ADARB1: variants seen among roughly 807,000 people sequenced by gnomAD.
The protein encoded by ADARB1 is double-stranded RNA-specific editase 1.
ADARB1 carries 10 observed loss-of-function variants against 52.4 expected under a neutral mutation model. That is an observed-to-expected ratio of 0.19 (90% CI 0.12 to 0.32). The LOEUF (loss-of-function observed/expected upper bound fraction) is 0.32, where lower values mean the gene tolerates loss of function less well. Ranked by LOEUF, ADARB1 falls within the 10% of genes least tolerant of loss-of-function variation. The pLI is 1.00. For missense variants in ADARB1, 643 were observed against 922.3 expected (o/e 0.70, Z 3.92); for synonymous variants, 349 against 371.1 (o/e 0.94, Z 0.68).
intron 1 of ADARB1, among the ~76,000 whole-genome samples, chr21:45,110,557 C>A (rs1449814067): frequency 6.6e-6 from 1 of 152,054 alleles, no homozygotes; most frequent in Non-Finnish European, 1.5e-5. Context: ...ATTTTAATTC[C>A]TAGGAGGTTA....
intron 1 of ADARB1, among the ~76,000 whole-genome samples, chr21:45,077,436 C>T (rs1008347280): frequency 7.9e-5 from 12 of 152,032 alleles, no homozygotes; most frequent in African/African-American, 2.2e-4. Flanking sequence ...GAGGCCGAGG[C>T]GGGTAGATCA....
chr21:45,086,084 T>C (rs1220799389), intron 1 of ADARB1, among the ~76,000 whole-genome samples: 1 of 152,220 alleles, frequency 6.6e-6, no homozygotes, highest in African/African-American at 2.4e-5. Flanking sequence ...CAGGCTTTGA[T>C]TTGCCAGACA....
intron 1 of ADARB1, among the ~76,000 whole-genome samples, chr21:45,119,141 G>A (rs2088001946): frequency 6.6e-6 from 1 of 152,198 alleles, no homozygotes; most frequent in Non-Finnish European, 1.5e-5. Flanking sequence ...CCAGGGTGAA[G>A]TGCAGTAGTG....
rs2092619992 is a variant in ADARB1 at position 45,204,164 on chromosome 21, T to A, written c.1566-391T>A. Among the ~76,000 whole-genome samples the A allele has an allele frequency of 6.6e-6, 1 of 152,218 alleles. No individual in the cohort carries two copies. The highest frequency in any genetic ancestry group is 2.1e-4 in the South Asian group (1 of 4,830). On this transcript the variant is annotated intron_variant, in intron 8 of 10. Transcript: ENST00000348831. This position sits in a 1 kb window ranked among gnomAD's most constrained non-coding sequence, Gnocchi z 4.4. ...TCTGGAAGTGTTTATTTCTGGAATTTTTCATTTAATATCTTCAGATCACGG... is the reference window on the plus strand; with the variant it reads ...TCTGGAAGTGTTTATTTCTGGAATTATTCATTTAATATCTTCAGATCACGG...
At chr21:45,132,947 C>T (rs1424658340) in intron 2 of ADARB1, among the ~76,000 whole-genome samples, 3 of 152,150 alleles carry the variant, frequency 2.0e-5, no homozygotes, top group Non-Finnish European at 4.4e-5. Context: ...AAGAAAATAC[C>T]GACAATCTTC....
rs556257944 is a variant in ADARB1 at position 45,128,141 on chromosome 21, C to T, written c.-219-261C>T. Among the ~76,000 whole-genome samples the T allele has an allele frequency of 3.9e-4, 59 of 152,280 alleles. No homozygotes were observed. Among genetic ancestry groups the T allele is most frequent in the African/African-American group, 1.3e-3 (54 of 41,558 alleles). ...GTGTGTGGCCTGGTGCCGCTGATGC[C>T]GAGATGTTGGGCTGGCAGCGATCTG... On this transcript the variant is annotated intron_variant, in intron 1 of 10. Transcript: ENST00000348831. This position sits in a 1 kb window ranked among gnomAD's most constrained non-coding sequence, Gnocchi z 4.6.
intron 4 of ADARB1, chr21:45,177,351 C>T (rs1032821995): frequency 2.6e-5 from 4 of 152,316 alleles, no homozygotes; most frequent in Non-Finnish European, 5.9e-5. Flanking sequence ...ATGAGGACTT[C>T]CCCGCATGCC....
At chr21:45,100,016 T>C (rs979874700) in intron 1 of ADARB1, among the ~76,000 whole-genome samples, 3 of 152,252 alleles carry the variant, frequency 2.0e-5, no homozygotes. Context: ...ATAGAAATAG[T>C]GTAAAACTTG....
At chr21:45,175,703 G>A (rs1261952911) in intron 3 of ADARB1, 27 bp from the exon 4 acceptor site, 4 of 1,610,524 alleles carry the variant, frequency 2.5e-6, no homozygotes, top group Admixed American at 1.7e-5. Context: ...CGAAGGCATT[G>A]TAAGTTACTC....
At chr21:45,163,837 C>T (rs1461925322) in intron 2 of ADARB1, among the ~76,000 whole-genome samples, 3 of 152,170 alleles carry the variant, frequency 2.0e-5, no homozygotes, top group African/African-American at 7.2e-5. Flanking sequence ...CTCTGCCACG[C>T]TTGTCCCCAT....
chr21:45,109,212 CGTGTGTGCGCGCTTGTGTGTATAT>C (rs2087406556), intron 1 of ADARB1, among the ~76,000 whole-genome samples: 1 of 143,572 alleles, frequency 7.0e-6, no homozygotes, highest in South Asian at 2.2e-4. Context: ...TGTTTGCGCG[CGTGTGTGCGCGCTTGTGTGTATAT>C]GTGTGTGCGC....
At chr21:45,116,567 A>G (rs1393106674) in intron 1 of ADARB1, among the ~76,000 whole-genome samples, 1 of 152,200 alleles carries the variant, frequency 6.6e-6, no homozygotes, top group Non-Finnish European at 1.5e-5. Flanking sequence ...AGACTGGGTG[A>G]TTTATGAAGG....
chr21:45,109,223 G>T (rs1012803597), intron 1 of ADARB1, among the ~76,000 whole-genome samples: 5 of 147,772 alleles, frequency 3.4e-5, no homozygotes, highest in Non-Finnish European at 7.4e-5. Context: ...GTGTGTGCGC[G>T]CTTGTGTGTA....
intron 2 of ADARB1, among the ~76,000 whole-genome samples, chr21:45,148,591 G>A (rs2090125864): frequency 6.6e-6 from 1 of 152,218 alleles, no homozygotes; most frequent in Non-Finnish European, 1.5e-5. Flanking sequence ...GGGAAGCTTG[G>A]AGGAGTCGGT....
At chr21:45,180,975 G>A (rs1355493272) in intron 5 of ADARB1, among the ~76,000 whole-genome samples, 1 of 152,182 alleles carries the variant, frequency 6.6e-6, no homozygotes, top group Non-Finnish European at 1.5e-5. Context: ...CACATCCCGC[G>A]AGTGAGAACA....
intron 2 of ADARB1, among the ~76,000 whole-genome samples, chr21:45,131,863 T>C (rs2088961664): frequency 1.3e-5 from 2 of 152,222 alleles, no homozygotes; most frequent in Admixed American, 6.5e-5. Flanking sequence ...TGTGCTGACC[T>C]CTGTCCTGGT....
At chr21:45,086,655 A>G (rs1183448051) in intron 1 of ADARB1, among the ~76,000 whole-genome samples, 1 of 152,236 alleles carries the variant, frequency 6.6e-6, no homozygotes, top group Non-Finnish European at 1.5e-5. Flanking sequence ...TGTAGAACAT[A>G]TCAGTAATTT....
intron 1 of ADARB1, among the ~76,000 whole-genome samples, chr21:45,080,280 G>C (rs982011258): frequency 1.3e-5 from 2 of 152,162 alleles, no homozygotes; most frequent in African/African-American, 4.8e-5. Flanking sequence ...AAATGAGAGC[G>C]ATGATAGCAT....
chr21:45,133,618 A>G, intron 2 of ADARB1: 1 of 227,736 alleles, frequency 4.4e-6, no homozygotes, highest in South Asian at 4.9e-5. Context: ...GCAGGATGCT[A>G]ACACTGCACT....
Sources: allele counts gnomAD v4.1 joint callset (sites outside exome capture counted in the v4.1 genomes callset), GRCh38; gene constraint gnomAD v4.1.1; non-coding constraint Gnocchi (gnomAD v3.1); transcripts MANE v1.5; gene names NCBI Gene and HGNC (gene_info 2026-07-23, HGNC 2026-07-21).